The following TEP1 variants were observed in gnomAD, a reference collection of about 807,000 sequenced individuals.
The protein encoded by TEP1 is telomerase associated protein 1.
TEP1 carries 241 observed loss-of-function variants against 306.3 expected under a neutral mutation model. The observed-to-expected ratio is 0.79, with a 90% CI of 0.71 to 0.88. TEP1 has a LOEUF of 0.88. Ranked by LOEUF, TEP1 falls within the 40% of genes least tolerant of loss-of-function variation. The probability of loss-of-function intolerance (pLI) is 0.00; values close to 1 mark genes in which losing one functional copy is unlikely to be tolerated. For synonymous variants in TEP1, 1,289 were observed against 1,305.5 expected, an observed-to-expected ratio of 0.99 and a Z score of 0.27; for missense variants, 3,051 against 3,276.1, an observed-to-expected ratio of 0.93 and a Z score of 1.68.
In TEP1 at chr14:20,376,099, C is replaced by G; in HGVS notation, c.6249+5G>C. The G allele has an allele frequency of 6.2e-7, 1 of 1,613,254 alleles. No homozygotes were observed. The highest frequency in any genetic ancestry group is 8.5e-7 in the Non-Finnish European group (1 of 1,179,668). On this transcript the variant is annotated splice_donor_5th_base_variant and intron_variant, in intron 42 of 54. Transcript: ENST00000262715. ...ACCCCAGGGTTGCATCCTTCTGCAG[C>G]TCACCCGATCCCGGCCCCCGGTGGC...
In TEP1 at chr14:20,381,208, G is replaced by C; in HGVS notation, c.4647+105C>G. ...GGAAAGAGGTCAAGGGAGTTTGGGA[G>C]GGGTAATGGCGGCGGTGATGGTGGA... On this transcript the variant is annotated intron_variant, in intron 32 of 54. Transcript: ENST00000262715. This position sits in a 1 kb window ranked among gnomAD's most constrained non-coding sequence, Gnocchi z 4.0. 7.8e-7 allele frequency: 1 copy of C among 1,288,694 alleles called. No homozygotes were observed. The highest frequency in any genetic ancestry group is 1.2e-5 in the South Asian group (1 of 84,182). 79.8% of individuals were successfully genotyped at this position (1,288,694 alleles called of 1,614,324 possible).
In TEP1 at chr14:20,373,777, T is replaced by C. The variant is rs978126087; in HGVS notation, c.6505A>G (p.Thr2169Ala). ...EHVVSVSRDG[T>A]LKVWDHQGVE... ...CCTTGATGGTCCCACACTTTCAAGGTCCCATCCCGGCTCACAGACACCACG... is the reference window on the plus strand; with the variant it reads ...CCTTGATGGTCCCACACTTTCAAGGCCCCATCCCGGCTCACAGACACCACG... Residue 2169 changes from threonine to alanine, a missense_variant, in exon 45 of 55, where the codon ACC becomes GCC. Transcript: ENST00000262715. The C allele has an allele frequency of 6.2e-7, 1 of 1,613,548 alleles. No individual in the cohort carries two copies. Among genetic ancestry groups the C allele is most frequent in the Non-Finnish European group, 8.5e-7 (1 of 1,180,002 alleles).
chr14:20,406,151 G>A (rs1879159205), intron 3 of TEP1, 82 bp downstream of exon 3: 12 of 1,427,936 alleles, frequency 8.4e-6, no homozygotes, highest in Middle Eastern at 2.0e-4. Context: ...TTCCAACTGG[G>A]GAGGGGACCT....
chr14:20,377,193 C>G, intron 41 of TEP1, 87 bp downstream of exon 41: 3 of 1,142,676 alleles, frequency 2.6e-6, no homozygotes, highest in Non-Finnish European at 2.4e-6. Flanking sequence ...CTAGCCTGGG[C>G]AACAAGAGTG....
intron 9 of TEP1, among the ~76,000 whole-genome samples, chr14:20,400,496 C>CCAAAAAAAAAAAAAAAAAA (rs1878593118): frequency 2.0e-5 from 1 of 50,536 alleles, no homozygotes; most frequent in African/African-American, 7.9e-5. Flanking sequence ...TAAAAGTAGA[C>CCAAAAAAAAAAAAAAAAAA]CAAAAAAAAA....
At chr14:20,393,442 T>C (rs1006049555) in intron 12 of TEP1, among the ~76,000 whole-genome samples, 3 of 152,250 alleles carry the variant, frequency 2.0e-5, no homozygotes, top group African/African-American at 7.2e-5. Flanking sequence ...CATATAATTT[T>C]CTAATAGTCA....
At chr14:20,410,679 A>G (rs759929664) in intron 1 of TEP1, among the ~76,000 whole-genome samples, 5 of 148,286 alleles carry the variant, frequency 3.4e-5, no homozygotes, top group Non-Finnish European at 7.4e-5. Flanking sequence ...TGACCTTGTG[A>G]TCCACCCACC....
chr14:20,371,524 A>G lies in TEP1; in HGVS notation c.7185T>C (p.Leu2395=). The G allele has an allele frequency of 1.2e-6, 2 of 1,608,142 alleles. No individual in the cohort carries two copies. Among genetic ancestry groups the G allele is most frequent in the African/African-American group, 2.7e-5 (2 of 74,488 alleles). The change falls in exon 50 of 55, where the codon CTT becomes CTC. Residue 2395 remains leucine, a synonymous_variant. Coordinates refer to ENST00000262715, the MANE Select transcript of TEP1 (RefSeq NM_007110.5). ...LILAKADLKL[L]CMKPGDAPSE... is the part of the protein sequence containing the mutation. Reference sequence around the variant, plus strand: ...ATGGAGCATCCCCTGGCTTCATGCAAAGTAACTTCAAATCTGCTTTGGCCA... The same window carrying G: ...ATGGAGCATCCCCTGGCTTCATGCAGAGTAACTTCAAATCTGCTTTGGCCA...
intron 41 of TEP1, 124 bp from the exon 42 acceptor site, chr14:20,376,388 G>A: frequency 1.0e-6 from 1 of 978,892 alleles, no homozygotes; most frequent in Non-Finnish European, 1.5e-6. Flanking sequence ...CTCCATGGGA[G>A]GGATGCAGGG....
chr14:20,411,353 C>T (rs769412334), intron 1 of TEP1, among the ~76,000 whole-genome samples: 1 of 152,130 alleles, frequency 6.6e-6, no homozygotes, highest in Non-Finnish European at 1.5e-5. Context: ...ACAGGCAGAT[C>T]CCTGGAACAC....
At position 20,378,424 on chromosome 14, in the gene TEP1, CAGCCCAGCTGCCTGTGGCTA is replaced by C; in HGVS notation, c.5444_5463del (p.Ile1815ArgfsTer119). 1 of 1,614,212 alleles carries C rather than the reference CAGCCCAGCTGCCTGTGGCTA, an allele frequency of 6.2e-7. No homozygotes were observed. Among genetic ancestry groups the C allele is most frequent in the Non-Finnish European group, 8.5e-7 (1 of 1,180,042 alleles). ...TCCACCTGGAAGAAGCTGATGCTGC[CAGCCCAGCTGCCTGTGGCTA>C]TTACCTGCCCCTCTGGGTGGAAGGC... On this transcript the variant is annotated frameshift_variant, in exon 38 of 55. Transcript: ENST00000262715. LOFTEE classifies it high-confidence loss of function.
In TEP1 at chr14:20,401,033, C is replaced by T. The variant is rs1166387611; in HGVS notation, c.1500G>A (p.Arg500=). 1.9e-6 allele frequency: 3 copies of T among 1,614,194 alleles called. No homozygotes were observed. The highest frequency in any genetic ancestry group is 3.3e-5 in the Admixed American group (2 of 60,016). Residue 500 remains arginine (R), a synonymous_variant, in exon 9 of 55, where the codon CGG becomes CGA. Transcript: ENST00000262715. The part of the protein sequence containing the change: ...MKLSRPETWE[R]ELSLRGNKAS... ...CTTTGTTCCCCCGTAGGCTCAGCTC[C>T]CGCTCCCAGGTCTCTGGCCTAGACA...
Position 20,382,665 on chromosome 14 carries a change from G to A in TEP1, c.4098C>T (p.Arg1366=). 1.2e-6 allele frequency: 2 copies of A among 1,614,078 alleles called. No individual in the cohort carries two copies. The highest frequency in any genetic ancestry group is 1.7e-6 in the Non-Finnish European group (2 of 1,179,996). The change falls in exon 28 of 55, where the codon CGC becomes CGT. Residue 1366 remains arginine, a synonymous_variant. Transcript: ENST00000262715. ...AGAGCCTCAGGTGATCGGTGACCAA[G>A]CGCAGGTAGAGCGGCCGGCCTGATT... The part of the protein sequence containing the change: ...KRESGRPLYL[R]LVTDHLRLFT...
At position 20,382,303 on chromosome 14, in the gene TEP1, G is replaced by A. The variant is rs755774643; in HGVS notation, c.4194C>T (p.His1398=). 46 of 1,613,852 alleles carry A rather than the reference G, an allele frequency of 2.9e-5. No individual in the cohort carries two copies. The highest frequency in any genetic ancestry group is 3.4e-5 in the Non-Finnish European group (40 of 1,179,946). Residue 1398 remains histidine, a synonymous_variant, in exon 29 of 55, where the codon CAC becomes CAT. Transcript: ENST00000262715. ...GCTCCTTCTCCAGTGTGCTCAGGAT[G>A]TGCTGCAGCAGCAGGGGGACAGTGG... ...LPATVPLLLQ[H]ILSTLEKEHG...
At position 20,401,159 on chromosome 14, in the gene TEP1, A is replaced by C; in HGVS notation, c.1392-18T>G. ...AGGGGTATCTGAGGATAGGTAAGAA[A>C]GAGGTCTATCATTTCAGAGTCAGCA... On this transcript the variant is annotated intron_variant, in intron 8 of 54. Coordinates refer to ENST00000262715, the MANE Select transcript of TEP1 (RefSeq NM_007110.5). 1 of 1,613,610 alleles carries C rather than the reference A, an allele frequency of 6.2e-7. No homozygotes were observed.
intron 27 of TEP1, among the ~76,000 whole-genome samples, 160 bp from the exon 28 acceptor site, chr14:20,382,875 A>C (rs1169747810): frequency 6.6e-6 from 1 of 151,970 alleles, no homozygotes; most frequent in Non-Finnish European, 1.5e-5. Flanking sequence ...TCCCTCTCCT[A>C]CGCTGCTCTG....
At chr14:20,387,802 G>A (rs1204848352) in intron 18 of TEP1, 103 bp downstream of exon 18, 5 of 1,387,480 alleles carry the variant, frequency 3.6e-6, no homozygotes, top group South Asian at 1.5e-5. Context: ...CCTTCATGAA[G>A]AGAACAAGCG....
At position 20,376,127 on chromosome 14, in the gene TEP1, GGCT is replaced by G; in HGVS notation, c.6223_6225del (p.Ser2075del). The G allele has an allele frequency of 6.2e-7, 1 of 1,614,148 alleles. No homozygotes were observed. Among genetic ancestry groups the G allele is most frequent in the Non-Finnish European group, 8.5e-7 (1 of 1,180,026 alleles). ...ACCCGATCCCGGCCCCCGGTGGCCA[GGCT>G]GCCTCCATCAGTGCTGAAACTACAG... is the stretch of plus-strand genomic sequence containing the variant. On this transcript the variant is annotated inframe_deletion, in exon 42 of 55. Coordinates refer to ENST00000262715, the MANE Select transcript of TEP1 (RefSeq NM_007110.5).
chr14:20,394,576 T>C (rs1878025890), intron 12 of TEP1, among the ~76,000 whole-genome samples: 2 of 147,888 alleles, frequency 1.4e-5, no homozygotes, highest in African/African-American at 5.0e-5. Flanking sequence ...GCCTCCCGGG[T>C]TCAAGTGATT....
Sources: allele counts gnomAD v4.1 joint callset (sites outside exome capture counted in the v4.1 genomes callset), GRCh38; gene constraint gnomAD v4.1.1; non-coding constraint Gnocchi (gnomAD v3.1); transcripts MANE v1.5; gene names NCBI Gene and HGNC (gene_info 2026-07-23, HGNC 2026-07-21).